The following MMP16 variants were observed in gnomAD, a reference collection of about 807,000 sequenced individuals.
MMP16 encodes matrix metalloproteinase-16.
Under a neutral mutation model 67.8 loss-of-function variants are expected in MMP16, and 12 were observed. The ratio of observed to expected loss-of-function variants is 0.18; its 90% CI spans 0.11 to 0.29. The LOEUF is 0.29. MMP16 is among the 10% of genes least tolerant of loss of function. MMP16 has a pLI of 1.00. For missense variants in MMP16, 475 were observed against 765.7 expected (o/e 0.62, Z 4.48); for synonymous variants, 249 against 255.9 (o/e 0.97, Z 0.26).
intron 1 of MMP16, among the ~76,000 whole-genome samples, chr8:88,220,962 C>G (rs1022632881): frequency 6.6e-6 from 1 of 152,042 alleles, no homozygotes; most frequent in African/African-American, 2.4e-5. Flanking sequence ...ATGGAAGGAC[C>G]AGTTAAATTC....
At chr8:88,060,469 G>T (rs1160930355) in intron 7 of MMP16, among the ~76,000 whole-genome samples, 1 of 151,990 alleles carries the variant, frequency 6.6e-6, no homozygotes, top group Non-Finnish European at 1.5e-5. Flanking sequence ...ATTGCATTCA[G>T]GATAAAACCC....
chr8:88,230,579 C>CA (rs1809842969), intron 1 of MMP16, among the ~76,000 whole-genome samples: 1 of 139,332 alleles, frequency 7.2e-6, no homozygotes, highest in Non-Finnish European at 1.6e-5. Context: ...GCAACAGAAA[C>CA]AAAAAATAAG....
At chr8:88,237,223 C>G (rs1025983909) in intron 1 of MMP16, among the ~76,000 whole-genome samples, 3 of 152,178 alleles carry the variant, frequency 2.0e-5, no homozygotes, top group Admixed American at 6.5e-5. Context: ...ATCTGAAATT[C>G]TTTTTGTTCA....
At chr8:88,288,697 T>C (rs569876022) in intron 1 of MMP16, among the ~76,000 whole-genome samples, 29 of 152,332 alleles carry the variant, frequency 1.9e-4, no homozygotes, top group African/African-American at 6.5e-4. Flanking sequence ...TATATTCCTA[T>C]TGGGAGTAAT....
chr8:88,152,996 T>C (rs1229035374), intron 4 of MMP16, among the ~76,000 whole-genome samples: 6 of 95,530 alleles, frequency 6.3e-5, no homozygotes, highest in Non-Finnish European at 2.2e-5. Context: ...CTCCTTAAGC[T>C]GATAAGCAAC....
At chr8:88,230,508 CT>C (rs1397563968) in intron 1 of MMP16, among the ~76,000 whole-genome samples, 1 of 149,210 alleles carries the variant, frequency 6.7e-6, no homozygotes, top group Non-Finnish European at 1.5e-5. Context: ...AGCCTAAATA[CT>C]TACTGCTAGT....
At chr8:88,112,593 G>A (rs1809354744) in intron 6 of MMP16, among the ~76,000 whole-genome samples, 1 of 150,852 alleles carries the variant, frequency 6.6e-6, no homozygotes, top group Admixed American at 6.7e-5. Context: ...TCATTTCCTT[G>A]GATTAGGTGG....
At chr8:88,052,175 C>T (rs142048138) in intron 8 of MMP16, among the ~76,000 whole-genome samples, 15 of 152,308 alleles carry the variant, frequency 9.8e-5, no homozygotes, top group African/African-American at 3.1e-4. Flanking sequence ...CAACCACCTA[C>T]TTGACTTCTT....
At chr8:88,088,099 C>CTATATA (rs1563528024) in intron 6 of MMP16, among the ~76,000 whole-genome samples, 1 of 140,246 alleles carries the variant, frequency 7.1e-6, no homozygotes, top group Non-Finnish European at 1.5e-5. Context: ...TAATAGATAT[C>CTATATA]TGCTGACTGT....
chr8:88,199,830 T>C (rs2095852044), intron 1 of MMP16, among the ~76,000 whole-genome samples: 1 of 152,038 alleles, frequency 6.6e-6, no homozygotes, highest in South Asian at 2.1e-4. Context: ...TGTCTTAAAA[T>C]ACTTCATCTC....
intron 4 of MMP16, among the ~76,000 whole-genome samples, chr8:88,136,133 C>T (rs1808114839): frequency 6.6e-6 from 1 of 151,616 alleles, no homozygotes; most frequent in Non-Finnish European, 1.5e-5. Context: ...AAGAGCTAAA[C>T]TTTTTAATAA....
chr8:88,173,347 C>A (rs565348426), intron 3 of MMP16, among the ~76,000 whole-genome samples: 1 of 152,120 alleles, frequency 6.6e-6, no homozygotes, highest in South Asian at 2.1e-4. Flanking sequence ...CCACCGGTCC[C>A]GGCTCTCTTT....
At chr8:88,124,065 G>A (rs1807886229) in intron 4 of MMP16, among the ~76,000 whole-genome samples, 1 of 151,926 alleles carries the variant, frequency 6.6e-6, no homozygotes, top group Non-Finnish European at 1.5e-5. Flanking sequence ...TAGCATTGAT[G>A]AGTAAATTTC....
In MMP16 at chr8:88,094,824, T is replaced by C. The variant is rs1344070105; in HGVS notation, c.1084-20081A>G. On this transcript the variant is annotated intron_variant, in intron 6 of 9. Transcript: ENST00000286614. The stretch of plus-strand genomic sequence containing the variant: ...TGTTAGCCCCTTGTACTACAGTTAA[T>C]AGGTTTTACTCTGTGTGTTATGTAA... Among the ~76,000 whole-genome samples, 10 of 151,966 alleles carry C rather than the reference T, an allele frequency of 6.6e-5. No homozygotes were observed. The East Asian group carries it at 7.8e-4, about 12-fold the overall frequency.
chr8:88,274,829 A>G (rs1426591722), intron 1 of MMP16, among the ~76,000 whole-genome samples: 1 of 152,066 alleles, frequency 6.6e-6, no homozygotes, highest in Non-Finnish European at 1.5e-5. Context: ...AAATAATCAG[A>G]GCAACTGACA....
chr8:88,120,801 A>G (rs1807817320), intron 4 of MMP16, among the ~76,000 whole-genome samples: 1 of 151,958 alleles, frequency 6.6e-6, no homozygotes, highest in African/African-American at 2.4e-5. Flanking sequence ...TTGGTCAGAC[A>G]GTCCCAATGT....
chr8:88,260,873 T>G (rs1810378069), intron 1 of MMP16, among the ~76,000 whole-genome samples: 1 of 152,182 alleles, frequency 6.6e-6, no homozygotes, highest in Admixed American at 6.5e-5. Flanking sequence ...ATAAATACTT[T>G]AGAGAAGTAA....
At chr8:88,150,051 A>G in intron 4 of MMP16, among the ~76,000 whole-genome samples, 1 of 79,036 alleles carries the variant, frequency 1.3e-5, no homozygotes, top group African/African-American at 4.7e-5. Flanking sequence ...AGGCTCGAGA[A>G]CTACGTGAAG....
chr8:88,166,718 TA>T (rs2129699050), intron 4 of MMP16, among the ~76,000 whole-genome samples: 1 of 138,950 alleles, frequency 7.2e-6, no homozygotes, highest in African/African-American at 2.7e-5. Context: ...TATATATATA[TA>T]TATATATATA....
Sources: allele counts gnomAD v4.1 joint callset (sites outside exome capture counted in the v4.1 genomes callset), GRCh38; gene constraint gnomAD v4.1.1; transcripts MANE v1.5; gene names NCBI Gene and HGNC (gene_info 2026-07-23, HGNC 2026-07-21).